Variants in COL19A1 observed in about 807,000 individuals in gnomAD.
COL19A1 encodes the protein collagen alpha-1(XIX) chain.
A neutral mutation model predicts 190.2 loss-of-function variants in COL19A1; 159 were observed. The ratio of observed to expected loss-of-function variants is 0.84; its 90% CI spans 0.73 to 0.95. COL19A1 has a LOEUF of 0.95. Ranked by LOEUF, COL19A1 falls within the 40% of genes least tolerant of loss-of-function variation. The probability of loss-of-function intolerance (pLI) is 0.00; values close to 1 mark genes in which losing one functional copy is unlikely to be tolerated. For missense variants in COL19A1, 1,418 were observed against 1,431.9 expected (o/e 0.99, Z 0.16); for synonymous variants, 509 against 458.9 (o/e 1.11, Z -1.39).
intron 11 of COL19A1, among the ~76,000 whole-genome samples, chr6:70,022,129 C>CT (rs939917405): frequency 6.6e-6 from 1 of 151,846 alleles, no homozygotes; most frequent in Non-Finnish European, 1.5e-5. Flanking sequence ...CTTTTCTTTA[C>CT]TTTTTTGCAA....
intron 22 of COL19A1, among the ~76,000 whole-genome samples, chr6:70,142,420 G>A (rs1420394691): frequency 4.6e-5 from 7 of 152,292 alleles, no homozygotes; most frequent in East Asian, 1.9e-4. Context: ...ATTATGCAAC[G>A]TTGAGTTGCT....
At chr6:69,934,407 G>A (rs983912884) in intron 7 of COL19A1, among the ~76,000 whole-genome samples, 1 of 151,850 alleles carries the variant, frequency 6.6e-6, no homozygotes, top group South Asian at 2.1e-4. Flanking sequence ...AGTTTTTAAA[G>A]TAATAACTTT....
chr6:69,920,580 C>A (rs1771626324), intron 4 of COL19A1, among the ~76,000 whole-genome samples: 1 of 152,026 alleles, frequency 6.6e-6, no homozygotes, highest in Admixed American at 6.6e-5. Flanking sequence ...AGCACTTCGA[C>A]CAACTTTAGT....
intron 42 of COL19A1, among the ~76,000 whole-genome samples, chr6:70,178,692 G>A (rs979176845): frequency 6.6e-6 from 1 of 152,072 alleles, no homozygotes; most frequent in African/African-American, 2.4e-5. Flanking sequence ...GTTGAAGCAG[G>A]GCTGGGGCCT....
Position 70,068,444 on chromosome 6 carries a change from C to G in COL19A1, c.1192C>G (p.Pro398Ala). 6.2e-7 allele frequency: 1 copy of G among 1,601,024 alleles called. No homozygotes were observed. Among genetic ancestry groups the G allele is most frequent in the Non-Finnish European group, 8.6e-7 (1 of 1,169,450 alleles). Reference sequence around the variant, plus strand: ...ATAGGGTTCCCTGGGGATACAAGGCCCCCAAGGTCCACCTGGAAAAGAGGG... The same window carrying G: ...ATAGGGTTCCCTGGGGATACAAGGCGCCCAAGGTCCACCTGGAAAAGAGGG... ...ALPGSLGIQGPQGPPGKEGQR... is the reference protein window; with the variant it reads ...ALPGSLGIQGAQGPPGKEGQR... The change falls in exon 15 of 51, where the codon CCC becomes GCC. Residue 398 changes from proline (P) to alanine (A), a missense_variant. Transcript: ENST00000620364.
At chr6:70,188,361 C>T (rs1021353691) in intron 47 of COL19A1, 116 bp downstream of exon 47, 9 of 1,218,974 alleles carry the variant, frequency 7.4e-6, no homozygotes, top group African/African-American at 3.1e-5. Flanking sequence ...AACTGGTCCC[C>T]GTGAGGGCAA....
intron 12 of COL19A1, among the ~76,000 whole-genome samples, chr6:70,026,997 C>T (rs1467504217): frequency 6.6e-6 from 1 of 152,118 alleles, no homozygotes; most frequent in Non-Finnish European, 1.5e-5. Context: ...TGACAGTTCA[C>T]TCTGACTTTC....
chr6:69,907,075 C>A (rs1351937923), intron 4 of COL19A1, among the ~76,000 whole-genome samples: 1 of 150,550 alleles, frequency 6.6e-6, no homozygotes, highest in Non-Finnish European at 1.5e-5. Flanking sequence ...CTACACGGAC[C>A]TTTACACTAT....
At chr6:70,152,190 G>C (rs111311239) in intron 31 of COL19A1, among the ~76,000 whole-genome samples, 257 of 152,136 alleles carry the variant, frequency 1.7e-3, no homozygotes, top group African/African-American at 5.7e-3. Context: ...CAAACACAGT[G>C]TGTTGTATCT....
chr6:70,144,983 A>C lies in COL19A1; in HGVS notation c.1746A>C (p.Pro582=), dbSNP rs1583019286. Residue 582 remains proline (P), a synonymous_variant, in exon 25 of 51, where the codon CCA becomes CCC. Transcript: ENST00000620364. ...LPGPKGEAGP[P]GKSLPGEPGL... ...GTCCAAAAGGTGAGGCTGGTCCTCC[A>C]GGGAAAAGCCTGCCAGGGGAACCAG... 4 of 1,592,238 alleles carry C rather than the reference A, an allele frequency of 2.5e-6. No homozygotes were observed. Among genetic ancestry groups the C allele is most frequent in the Non-Finnish European group, 3.4e-6 (4 of 1,167,766 alleles).
chr6:70,082,870 T>A (rs889679233), intron 15 of COL19A1, among the ~76,000 whole-genome samples: 4 of 152,184 alleles, frequency 2.6e-5, no homozygotes, highest in Non-Finnish European at 5.9e-5. Context: ...AGTTTGATTC[T>A]CATAAGGAGC....
At chr6:70,044,710 G>A (rs1204439157) in intron 14 of COL19A1, among the ~76,000 whole-genome samples, 4 of 152,074 alleles carry the variant, frequency 2.6e-5, no homozygotes, top group Non-Finnish European at 4.4e-5. Flanking sequence ...AATGCCAGTG[G>A]CAGATATGTT....
At chr6:69,903,817 C>A (rs1288745899) in intron 4 of COL19A1, among the ~76,000 whole-genome samples, 2 of 152,208 alleles carry the variant, frequency 1.3e-5, no homozygotes, top group African/African-American at 4.8e-5. Flanking sequence ...TGCTAATTAG[C>A]CTGCTTGGCT....
At chr6:69,983,013 TAAATAAATATAA>T (rs1444381938) in intron 11 of COL19A1, among the ~76,000 whole-genome samples, 1 of 147,872 alleles carries the variant, frequency 6.8e-6, no homozygotes, top group Admixed American at 6.7e-5. Flanking sequence ...AATAAATAAA[TAAATAAATATAA>T]AATAAAATCA....
chr6:70,168,609 G>A (rs759708024), intron 39 of COL19A1, 46 bp from the exon 40 acceptor site: 2 of 1,600,760 alleles, frequency 1.2e-6, no homozygotes, highest in Non-Finnish European at 1.7e-6. Context: ...TTCTGTAACT[G>A]CTTTGGTCAT....
chr6:70,172,013 T>C lies in COL19A1; in HGVS notation c.2618T>C (p.Val873Ala), dbSNP rs1765528471. 2 of 1,611,094 alleles carry C rather than the reference T, an allele frequency of 1.2e-6. No individual in the cohort carries two copies. The highest frequency in any genetic ancestry group is 1.7e-5 in the Admixed American group (1 of 59,378). The change falls in exon 41 of 51, where the codon GTA becomes GCA. Residue 873 changes from valine to alanine, a missense_variant. By Grantham distance (64) the Val-to-Ala change is moderately conservative. Coordinates refer to ENST00000620364, the MANE Select transcript of COL19A1 (RefSeq NM_001858.6). ...CCAGGATTAGAAGGATTTCCAGGTG[T>C]AAAGGTAAGCACAGAAGTTAGAAAT... The part of the protein sequence containing the change: ...GLPGLEGFPG[V>A]KGDRGPAGPP...
intron 11 of COL19A1, among the ~76,000 whole-genome samples, chr6:70,000,735 ATTTG>A (rs1475413577): frequency 6.6e-6 from 1 of 151,870 alleles, no homozygotes; most frequent in African/African-American, 2.4e-5. Context: ...TTTCTTGTAT[ATTTG>A]TTTAAGTTCA....
chr6:70,115,724 A>G lies in COL19A1; in HGVS notation c.1279-6156A>G, dbSNP rs1317506151. 2.6e-5 allele frequency among the ~76,000 whole-genome samples: 4 copies of G among 151,934 alleles called. No homozygotes were observed. The East Asian group carries it at 5.8e-4, about 22-fold the overall frequency. On this transcript the variant is annotated intron_variant, in intron 16 of 50. Coordinates refer to ENST00000620364, the MANE Select transcript of COL19A1 (RefSeq NM_001858.6). ...CTCTATATTGAAATGTAAGAATAATATAAATACTCACTGAATCTGCTCTTG... is the reference window on the plus strand; with the variant it reads ...CTCTATATTGAAATGTAAGAATAATGTAAATACTCACTGAATCTGCTCTTG...
At chr6:69,882,272 G>A (rs1768613855) in intron 2 of COL19A1, among the ~76,000 whole-genome samples, 2 of 152,116 alleles carry the variant, frequency 1.3e-5, no homozygotes, top group Non-Finnish European at 2.9e-5. Flanking sequence ...GAAGGTATTA[G>A]GAATTCAGTC....
Sources: allele counts gnomAD v4.1 joint callset (sites outside exome capture counted in the v4.1 genomes callset), GRCh38; gene constraint gnomAD v4.1.1; transcripts MANE v1.5; gene names NCBI Gene and HGNC (gene_info 2026-07-23, HGNC 2026-07-21).